Variants in CSMD1 observed in about 807,000 individuals in gnomAD.
CSMD1 encodes CUB and sushi domain-containing protein 1.
Under a neutral mutation model 417.5 loss-of-function variants are expected in CSMD1, and 213 were observed. The observed-to-expected ratio is 0.51, with a 90% CI of 0.46 to 0.57. The LOEUF is 0.57. Among genes scored for constraint, CSMD1 ranks in the 20% least tolerant of loss-of-function variants. The pLI is 0.00. For missense variants in CSMD1, 6,923 were observed against 4,529.7 expected (o/e 1.53, Z -15.17); for synonymous variants, 2,862 against 1,736.8 (o/e 1.65, Z -16.11).
intron 1 of CSMD1, among the ~76,000 whole-genome samples, chr8:4,895,348 T>C (rs866928694): frequency 2.0e-5 from 3 of 152,076 alleles, no homozygotes; most frequent in African/African-American, 4.8e-5. Context: ...TCTGGAGTAA[T>C]GTAAGTGTAA....
chr8:4,127,448 T>G (rs2130964574), intron 3 of CSMD1, among the ~76,000 whole-genome samples: 1 of 88,004 alleles, frequency 1.1e-5, no homozygotes, highest in African/African-American at 4.8e-5. Flanking sequence ...TTTCCAAGCA[T>G]TAATGAAAAA....
intron 7 of CSMD1, among the ~76,000 whole-genome samples, chr8:3,695,706 T>G (rs984354727): frequency 1.2e-4 from 19 of 152,318 alleles, no homozygotes; most frequent in African/African-American, 3.6e-4. Flanking sequence ...TAAAAGTTAC[T>G]AAAACAGCAG....
intron 1 of CSMD1, among the ~76,000 whole-genome samples, chr8:4,960,144 T>C (rs1437936419): frequency 6.6e-6 from 1 of 152,200 alleles, no homozygotes; most frequent in African/African-American, 2.4e-5. Flanking sequence ...ACTTCTGAAA[T>C]GTACTAGACC....
intron 10 of CSMD1, among the ~76,000 whole-genome samples, chr8:3,550,472 T>C (rs1416038796): frequency 3.3e-5 from 5 of 152,242 alleles, no homozygotes; most frequent in African/African-American, 1.2e-4. Flanking sequence ...ACATGGCGGC[T>C]GTGCATATCG....
At chr8:2,963,151 G>T (rs1015651096) in intron 60 of CSMD1, 71 bp downstream of exon 60, 15 of 1,528,832 alleles carry the variant, frequency 9.8e-6, no homozygotes, top group Non-Finnish European at 1.4e-5. Flanking sequence ...TGTAACCTTA[G>T]GATGTGCCCT....
intron 6 of CSMD1, among the ~76,000 whole-genome samples, chr8:3,716,251 G>C (rs182811156): frequency 2.2e-3 from 334 of 152,270 alleles, no homozygotes; most frequent in African/African-American, 7.1e-3. Flanking sequence ...GACCCCAAGA[G>C]AGTGTTCTTG....
At chr8:4,254,491 A>G (rs1379029215) in intron 3 of CSMD1, among the ~76,000 whole-genome samples, 1 of 152,154 alleles carries the variant, frequency 6.6e-6, no homozygotes, top group African/African-American at 2.4e-5. Context: ...TAGTGCAATT[A>G]CTTTTTTATA....
chr8:3,828,656 C>T (rs1644627972), intron 5 of CSMD1, among the ~76,000 whole-genome samples: 1 of 152,140 alleles, frequency 6.6e-6, no homozygotes, highest in Non-Finnish European at 1.5e-5. Flanking sequence ...TTAATCCAAG[C>T]CATCGTCATC....
Position 4,266,828 on chromosome 8 carries a change from T to G in CSMD1, c.415+153125A>C, listed in dbSNP as rs539247343. Among the ~76,000 whole-genome samples the G allele has an allele frequency of 5.0e-3, 524 of 104,504 alleles. 75 individuals are homozygous for G. Among genetic ancestry groups the G allele is most frequent in the African/African-American group, 0.013 (502 of 38,496 alleles). The allele number at this position is 104,504 out of a possible 152,430, so 68.6% of individuals were successfully genotyped here. A position where few individuals can be genotyped will look rare whatever the true frequency, so the allele number is the denominator to read the frequency against. On this transcript the variant is annotated intron_variant, in intron 3 of 69. Transcript: ENST00000635120. ...ATAGTGGATTGTGATGACTTTTCAT[T>G]TACTGCAAAAATAAAAATATGATTC...
At chr8:3,989,314 A>C (rs1814568997) in intron 5 of CSMD1, among the ~76,000 whole-genome samples, 1 of 152,206 alleles carries the variant, frequency 6.6e-6, no homozygotes, top group Admixed American at 6.5e-5. Flanking sequence ...AGTCTCACTC[A>C]AACCGAGGTC....
chr8:4,800,526 T>A (rs551225628), intron 1 of CSMD1, among the ~76,000 whole-genome samples: 48 of 152,132 alleles, frequency 3.2e-4, no homozygotes, highest in African/African-American at 1.1e-3. Context: ...CAAGTATTCA[T>A]GTGAGAGTGA....
intron 2 of CSMD1, among the ~76,000 whole-genome samples, chr8:4,566,652 C>CAAAAAAA (rs35448667): frequency 1.6e-5 from 1 of 62,824 alleles, no homozygotes; most frequent in Non-Finnish European, 2.6e-5. Flanking sequence ...GACTCTGACT[C>CAAAAAAA]AAAAAAAAAA....
At chr8:4,065,407 T>C (rs1799191890) in intron 3 of CSMD1, among the ~76,000 whole-genome samples, 1 of 152,226 alleles carries the variant, frequency 6.6e-6, no homozygotes, top group African/African-American at 2.4e-5. Flanking sequence ...ATTTTTCATT[T>C]TGTAAAACTT....
intron 1 of CSMD1, among the ~76,000 whole-genome samples, chr8:4,943,297 C>A (rs1294724711): frequency 2.0e-5 from 3 of 151,966 alleles, no homozygotes; most frequent in African/African-American, 7.3e-5. Flanking sequence ...AGATCAAGAT[C>A]GTCCTGGCTG....
chr8:3,080,436 G>C (rs930717950), intron 49 of CSMD1, among the ~76,000 whole-genome samples: 2 of 152,170 alleles, frequency 1.3e-5, no homozygotes, highest in African/African-American at 4.8e-5. Flanking sequence ...TAATTTAAAA[G>C]GTCAAGCAAA....
Position 3,300,061 on chromosome 8 carries a change from T to G in CSMD1, c.3950+7634A>C, listed in dbSNP as rs372705742. Among the ~76,000 whole-genome samples, 4 of 152,248 alleles carry G rather than the reference T, an allele frequency of 2.6e-5. No individual in the cohort carries two copies. In the East Asian group the frequency reaches 5.8e-4, roughly 22 times the overall value. ...AACAGTGAAAAAATTAAAAACAACC[T>G]GAATATTCCAAAAGGGTGTAGTTTA... is the stretch of plus-strand genomic sequence containing the variant. On this transcript the variant is annotated intron_variant, in intron 25 of 69. Coordinates refer to ENST00000635120, the MANE Select transcript of CSMD1 (RefSeq NM_033225.6).
At chr8:3,615,633 C>T (rs1373480605) in intron 8 of CSMD1, among the ~76,000 whole-genome samples, 1 of 152,104 alleles carries the variant, frequency 6.6e-6, no homozygotes, top group Non-Finnish European at 1.5e-5. Flanking sequence ...TTTTCTATTG[C>T]TTTTAAAACG....
chr8:4,559,550 T>C (rs1798237510), intron 2 of CSMD1, among the ~76,000 whole-genome samples: 1 of 152,202 alleles, frequency 6.6e-6, no homozygotes, highest in South Asian at 2.1e-4. Context: ...ATATTCACTT[T>C]TGTTGTGTGT....
In CSMD1 at chr8:4,148,046, G is replaced by T. The variant is rs189470319; in HGVS notation, c.416-115947C>A. ...CCATAGTCTGTTCTATGACCTTTACGGTAAAGAAATATACAAGCAGGAGGA... is the reference window on the plus strand; with the variant it reads ...CCATAGTCTGTTCTATGACCTTTACTGTAAAGAAATATACAAGCAGGAGGA... On this transcript the variant is annotated intron_variant, in intron 3 of 69. Transcript: ENST00000635120. Among the ~76,000 whole-genome samples the T allele has an allele frequency of 2.0e-3, 300 of 152,044 alleles. 3 individuals carry two copies. Among genetic ancestry groups the T allele is most frequent in the African/African-American group, 6.9e-3 (287 of 41,448 alleles).
Sources: gnomAD v4.1 joint callset for allele counts (sites outside exome capture counted in the v4.1 genomes callset) on GRCh38, gnomAD v4.1.1 for gene constraint, MANE v1.5 for transcripts, NCBI Gene and HGNC (gene_info 2026-07-23, HGNC 2026-07-21) for gene names.